UNC13B: variants seen among roughly 807,000 people sequenced by gnomAD.
UNC13B encodes the protein unc-13 homolog B, also known as protein unc-13 homolog B.
Under a neutral mutation model 211.0 loss-of-function variants are expected in UNC13B, and 144 were observed. The ratio of observed to expected loss-of-function variants is 0.68; its 90% CI spans 0.60 to 0.78. The LOEUF (loss-of-function observed/expected upper bound fraction) is 0.78. Ranked by LOEUF, UNC13B falls within the 30% of genes least tolerant of loss-of-function variation. The probability of loss-of-function intolerance (pLI) is 0.00; values close to 1 mark genes in which losing one functional copy is unlikely to be tolerated. For synonymous variants in UNC13B, 709 were observed against 725.8 expected (o/e 0.98, Z 0.37); for missense variants, 1,777 against 2,002.0 (o/e 0.89, Z 2.14).
At position 35,301,061 on chromosome 9, in the gene UNC13B, C is replaced by T. The variant is rs1217469070; in HGVS notation, c.1657C>T (p.His553Tyr). 5.0e-6 allele frequency: 2 copies of T among 398,766 alleles called. No individual in the cohort carries two copies. The highest frequency in any genetic ancestry group is 8.9e-6 in the Non-Finnish European group (2 of 225,986). 24.7% of individuals were successfully genotyped at this position (398,766 alleles called of 1,614,324 possible). A position where few individuals can be genotyped will look rare whatever the true frequency, so the allele number is the denominator to read the frequency against. The change falls in exon 9 of 40, where the codon CAT becomes TAT. Residue 553 changes from histidine to tyrosine, a missense_variant. His to Tyr is a moderately conservative substitution (Grantham distance 83, BLOSUM62 2). Transcript: ENST00000635942. Reference protein sequence around the residue: ...LTEKVGSGTKHLTNSVEKLVS... With the variant: ...LTEKVGSGTKYLTNSVEKLVS... ...AGAAAAAGTGGGTTCAGGCACAAAG[C>T]ATCTAACAAACTCTGTGGAAAAGTT...
At chr9:35,391,059 G>A (rs1835500555) in intron 26 of UNC13B, among the ~76,000 whole-genome samples, 1 of 152,190 alleles carries the variant, frequency 6.6e-6, no homozygotes, top group African/African-American at 2.4e-5. Flanking sequence ...CAGTTTTAAA[G>A]AATCAGAGAA....
At position 35,300,759 on chromosome 9, in the gene UNC13B, A is replaced by G. The variant is rs1224817233; in HGVS notation, c.1355A>G (p.Lys452Arg). Residue 452 changes from lysine (K) to arginine (R), a missense_variant, in exon 9 of 40, where the codon AAG (lysine) becomes AGG (arginine). By Grantham distance (26) the Lys-to-Arg change is conservative. Coordinates refer to ENST00000635942, the MANE Select transcript of UNC13B (RefSeq NM_001371189.2). ...EITPSSIEEP[K>R]EDRIDTMDEL... ...ACCCCTTCCTCTATTGAGGAGCCCA[A>G]GGAGGACCGTATTGATACAATGGAT... 3 of 398,846 alleles carry G rather than the reference A, an allele frequency of 7.5e-6. No homozygotes were observed. The highest frequency in any genetic ancestry group is 1.3e-5 in the Non-Finnish European group (3 of 226,054). The allele number at this position is 398,846 out of a possible 1,614,324, so 24.7% of individuals were successfully genotyped here.
intron 13 of UNC13B, among the ~76,000 whole-genome samples, chr9:35,371,202 T>TCTTCCCC (rs1375793065): frequency 6.6e-6 from 1 of 152,192 alleles, no homozygotes; most frequent in African/African-American, 2.4e-5. Flanking sequence ...CCCTCTTCCC[T>TCTTCCCC]CTTCCCCATT....
At chr9:35,400,081 C>T in intron 36 of UNC13B, among the ~76,000 whole-genome samples, 1 of 152,164 alleles carries the variant, frequency 6.6e-6, no homozygotes, top group East Asian at 1.9e-4. Context: ...AAGACCCATC[C>T]TTCAAACACT....
chr9:35,196,239 A>G (rs887533826), intron 1 of UNC13B, among the ~76,000 whole-genome samples: 2 of 152,084 alleles, frequency 1.3e-5, no homozygotes, highest in African/African-American at 2.4e-5. Flanking sequence ...GAGGTGATAC[A>G]CCTTTTTACT....
intron 5 of UNC13B, 37 bp from the exon 6 acceptor site, chr9:35,243,254 G>A: frequency 6.3e-7 from 1 of 1,595,792 alleles, no homozygotes; most frequent in Middle Eastern, 1.7e-4. Flanking sequence ...ACCTGCTGAT[G>A]TGATTTCTTT....
At chr9:35,221,491 C>T (rs1381372332) in intron 1 of UNC13B, among the ~76,000 whole-genome samples, 3 of 152,204 alleles carry the variant, frequency 2.0e-5, no homozygotes, top group African/African-American at 7.2e-5. Flanking sequence ...AATCACTTGT[C>T]AGAAGAATAG....
intron 30 of UNC13B, 82 bp from the exon 31 acceptor site, chr9:35,398,129 T>C: frequency 7.5e-7 from 1 of 1,331,296 alleles, no homozygotes; most frequent in Non-Finnish European, 1.0e-6. Context: ...CCTGTGGCTT[T>C]TGTGAGAGAG....
Position 35,173,282 on chromosome 9 carries a change from T to C in UNC13B, c.22+10977T>C, listed in dbSNP as rs567009100. On this transcript the variant is annotated intron_variant, in intron 1 of 39. Transcript: ENST00000635942. ...CTGCAAAAGGATAGAGGAAATCTGC[T>C]TGCCAAGGAAAGGGGGGTAAATGAT... is the stretch of plus-strand genomic sequence containing the variant. 3.9e-5 allele frequency among the ~76,000 whole-genome samples: 6 copies of C among 152,250 alleles called. No homozygotes were observed. The South Asian group carries it at 8.3e-4, about 21-fold the overall frequency.
chr9:35,310,937 TG>T (rs1830155967), intron 10 of UNC13B, among the ~76,000 whole-genome samples, 156 bp downstream of exon 10: 7 of 152,202 alleles, frequency 4.6e-5, no homozygotes. Flanking sequence ...CTTTGATTTA[TG>T]GTGCACTTTC....
intron 11 of UNC13B, among the ~76,000 whole-genome samples, chr9:35,331,673 T>C (rs545905923): frequency 6.6e-6 from 1 of 152,352 alleles, no homozygotes; most frequent in Non-Finnish European, 1.5e-5. Context: ...TAATTAACAG[T>C]TAAGTATTTA....
At chr9:35,247,354 C>T (rs1395052797) in intron 6 of UNC13B, among the ~76,000 whole-genome samples, 1 of 152,114 alleles carries the variant, frequency 6.6e-6, no homozygotes, top group Non-Finnish European at 1.5e-5. Context: ...TTTCTTTGTC[C>T]TGCCTGATTG....
chr9:35,339,490 G>A (rs1011726888), intron 11 of UNC13B, among the ~76,000 whole-genome samples: 2 of 152,220 alleles, frequency 1.3e-5, no homozygotes, highest in Non-Finnish European at 2.9e-5. Context: ...CACTCTGTGG[G>A]CCCTGTAGAA....
rs780816082 is a variant in UNC13B, at chr9:35,377,663, C to T, written c.10031C>T (p.Thr3344Ile). 1 of 1,614,124 alleles carries T rather than the reference C, an allele frequency of 6.2e-7. No individual in the cohort carries two copies. The highest frequency in any genetic ancestry group is 8.5e-7 in the Non-Finnish European group (1 of 1,180,022). ...KTVKQSVLDG[T>I]SKWSAKITIT... is the part of the protein sequence containing the mutation. ...GTGAAGCAGAGTGTACTGGATGGCA[C>T]CTCCAAATGGTCAGCCAAGATCACC... The change falls in exon 16 of 40, where the codon ACC becomes ATC. Residue 3344 changes from threonine (T) to isoleucine (I), a missense_variant. Transcript: ENST00000635942.
At chr9:35,223,406 A>G (rs1824667297) in intron 1 of UNC13B, among the ~76,000 whole-genome samples, 1 of 152,196 alleles carries the variant, frequency 6.6e-6, no homozygotes, top group Non-Finnish European at 1.5e-5. Flanking sequence ...GTGAGATGAT[A>G]GCTCACTGTG....
intron 11 of UNC13B, among the ~76,000 whole-genome samples, chr9:35,350,364 C>G (rs1209844401): frequency 6.6e-6 from 1 of 152,190 alleles, no homozygotes; most frequent in Non-Finnish European, 1.5e-5. Flanking sequence ...ATGTGATATT[C>G]TCTCTGGGCC....
intron 11 of UNC13B, among the ~76,000 whole-genome samples, chr9:35,355,037 G>A (rs568024396): frequency 1.2e-4 from 18 of 152,214 alleles, no homozygotes; most frequent in South Asian, 4.1e-4. Flanking sequence ...TTATTGGCAC[G>A]TCCAAACAAT....
At chr9:35,230,960 T>C (rs1825166872) in intron 2 of UNC13B, among the ~76,000 whole-genome samples, 160 bp from the exon 3 acceptor site, 1 of 152,218 alleles carries the variant, frequency 6.6e-6, no homozygotes, top group Admixed American at 6.5e-5. Context: ...TTTCGGCAAC[T>C]CTGCTATGTC....
chr9:35,212,299 G>A lies in UNC13B; in HGVS notation c.23-15716G>A, dbSNP rs111366413. Among the ~76,000 whole-genome samples the A allele has an allele frequency of 8.6e-3, 1,316 of 152,272 alleles. 13 individuals are homozygous for A. Among genetic ancestry groups the A allele is most frequent in the African/African-American group, 0.03 (1,244 of 41,560 alleles). On this transcript the variant is annotated intron_variant, in intron 1 of 39. Transcript: ENST00000635942. ...TAAAATATCTAAGAATAGGCCAGGCGCACTGGCTCATGCCTGTAATCCCAG... is the reference window on the plus strand; with the variant it reads ...TAAAATATCTAAGAATAGGCCAGGCACACTGGCTCATGCCTGTAATCCCAG...
Sources: gnomAD v4.1 joint callset for allele counts (sites outside exome capture counted in the v4.1 genomes callset) on GRCh38, gnomAD v4.1.1 for gene constraint, MANE v1.5 for transcripts, NCBI Gene and HGNC (gene_info 2026-07-23, HGNC 2026-07-21) for gene names.